Variants in GCNT4 observed in about 807,000 individuals in gnomAD.
GCNT4 encodes beta-1,3-galactosyl-O-glycosyl-glycoprotein beta-1,6-N-acetylglucosaminyltransferase 4.
Under a neutral mutation model 31.3 loss-of-function variants are expected in GCNT4, and 17 were observed. That is an observed-to-expected ratio of 0.54 (90% CI 0.37 to 0.81). The LOEUF (loss-of-function observed/expected upper bound fraction) is 0.81, where lower values mean the gene tolerates loss of function less well. Among genes scored for constraint, GCNT4 ranks in the 40% least tolerant of loss-of-function variants. The probability of loss-of-function intolerance (pLI) is 0.00; values close to 1 mark genes in which losing one functional copy is unlikely to be tolerated. For missense variants in GCNT4, 503 were observed against 525.5 expected, an observed-to-expected ratio of 0.96 and a Z score of 0.42; for synonymous variants, 158 against 190.6, an observed-to-expected ratio of 0.83 and a Z score of 1.41.
At position 75,029,041 on chromosome 5, in the gene GCNT4, A is replaced by ATT; in HGVS notation, c.996_997insAA (p.Ser333AsnfsTer11). 6.2e-7 allele frequency: 1 copy of ATT among 1,614,130 alleles called. No individual in the cohort carries two copies. Among genetic ancestry groups the ATT allele is most frequent in the Non-Finnish European group, 8.5e-7 (1 of 1,180,014 alleles). Reference sequence around the variant, plus strand: ...GTAGCCCAAAAGTGCTCATCAGGAGAGTATGTGTCTTTAGACCAGGCAAAA... The same window carrying ATT: ...GTAGCCCAAAAGTGCTCATCAGGAGATTGTATGTGTCTTTAGACCAGGCAAAA... On this transcript the variant is annotated frameshift_variant, in exon 4 of 4. Coordinates refer to ENST00000652361, the MANE Select transcript of GCNT4 (RefSeq NM_001366737.1). LOFTEE classifies it high-confidence loss of function.
At chr5:75,047,608 A>G (rs1202934849) in intron 3 of GCNT4, 3 of 152,156 alleles carry the variant, frequency 2.0e-5, no homozygotes. Flanking sequence ...AAGCATTCCT[A>G]CCACAAAGTT....
chr5:75,032,846 TAGA>T (rs1432656193), intron 3 of GCNT4, among the ~76,000 whole-genome samples: 3 of 148,208 alleles, frequency 2.0e-5, no homozygotes, highest in Non-Finnish European at 4.5e-5. Context: ...TGTGGTACAG[TAGA>T]AGACTAATCA....
chr5:75,023,269 G>C (rs193176678), downstream of GCNT4, among the ~76,000 whole-genome samples: 1 of 152,314 alleles, frequency 6.6e-6, no homozygotes, highest in African/African-American at 2.4e-5. Context: ...CTTACTTTGA[G>C]AATCTGAAGA....
chr5:75,032,755 A>T (rs1743092629), intron 3 of GCNT4, among the ~76,000 whole-genome samples: 1 of 151,984 alleles, frequency 6.6e-6, no homozygotes, highest in East Asian at 1.9e-4. Flanking sequence ...GCTGTGGAAA[A>T]CTGTCCCCAC....
chr5:75,046,161 A>C (rs1047838940), intron 3 of GCNT4, among the ~76,000 whole-genome samples: 2 of 151,942 alleles, frequency 1.3e-5, no homozygotes, highest in Non-Finnish European at 2.9e-5. Context: ...GTATCATTCC[A>C]TTTCTTTCTC....
At chr5:75,043,719 AAAGT>A in intron 3 of GCNT4, among the ~76,000 whole-genome samples, 1 of 152,284 alleles carries the variant, frequency 6.6e-6, no homozygotes, top group East Asian at 1.9e-4. Context: ...TTACATGAGA[AAAGT>A]AAGCCCTTAT....
chr5:75,022,447 C>T (rs1744498858), downstream of GCNT4, among the ~76,000 whole-genome samples: 1 of 152,132 alleles, frequency 6.6e-6, no homozygotes, highest in Admixed American at 6.5e-5. Context: ...TAAAATCAGC[C>T]TAATGCTTGC....
At chr5:75,036,348 ATTAT>A (rs1743202050) in intron 3 of GCNT4, among the ~76,000 whole-genome samples, 1 of 146,408 alleles carries the variant, frequency 6.8e-6, no homozygotes, top group African/African-American at 2.8e-5. Flanking sequence ...TTATCCCTCT[ATTAT>A]AAGAAAGGAA....
Position 75,027,411 on chromosome 5 carries a change from T to TAAATATATATTACATATATATA in GCNT4, c.*1243_*1264dup, listed in dbSNP as rs1361152820. The TAAATATATATTACATATATATA allele has an allele frequency of 1.4e-5, 2 of 142,900 alleles. No individual in the cohort carries two copies. Among genetic ancestry groups the TAAATATATATTACATATATATA allele is most frequent in the Admixed American group, 7.3e-5 (1 of 13,650 alleles). The allele number at this position is 142,900 out of a possible 1,614,324, so 8.9% of individuals were successfully genotyped here. A position where few individuals can be genotyped will look rare whatever the true frequency, so the allele number is the denominator to read the frequency against. On this transcript the variant is annotated 3_prime_UTR_variant, in exon 4 of 4. Coordinates refer to ENST00000652361, the MANE Select transcript of GCNT4 (RefSeq NM_001366737.1). ...ATTGTTCTATATATAATATATAACA[T>TAAATATATATTACATATATATA]AAATATATATTACATATATATAAAA... is the stretch of plus-strand genomic sequence containing the variant.
chr5:75,040,471 G>C (rs1428380269), intron 3 of GCNT4, among the ~76,000 whole-genome samples: 2 of 152,196 alleles, frequency 1.3e-5, no homozygotes, highest in African/African-American at 4.8e-5. Context: ...ATGGGACAGA[G>C]TCAGAAGACC....
rs1177866741 is a variant in GCNT4 at position 75,029,840 on chromosome 5, T to A, written c.198A>T (p.Glu66Asp). ...VRNRYTHVKDEVRYEVNCSGI... is the reference protein window; with the variant it reads ...VRNRYTHVKDDVRYEVNCSGI... ...CCGAACAGTTAACTTCATACCTGACTTCATCCTTAACATGAGTGTATCTGT... is the reference window on the plus strand; with the variant it reads ...CCGAACAGTTAACTTCATACCTGACATCATCCTTAACATGAGTGTATCTGT... Residue 66 changes from glutamate (E) to aspartate (D), a missense_variant, in exon 4 of 4, where the codon GAA (glutamate) becomes GAT (aspartate). Physicochemically the swap from Glu to Asp is conservative, Grantham distance 45 (BLOSUM62 2). Coordinates refer to ENST00000652361, the MANE Select transcript of GCNT4 (RefSeq NM_001366737.1). The A allele has an allele frequency of 1.2e-6, 2 of 1,614,028 alleles. No individual in the cohort carries two copies. The highest frequency in any genetic ancestry group is 2.7e-5 in the African/African-American group (2 of 74,934).
chr5:75,034,385 G>A (rs777436528), intron 3 of GCNT4, among the ~76,000 whole-genome samples: 1 of 152,248 alleles, frequency 6.6e-6, no homozygotes, highest in Non-Finnish European at 1.5e-5. Context: ...CTGGAGGAAT[G>A]GGAACCAGCT....
At chr5:75,031,963 C>T (rs1281645269) in intron 3 of GCNT4, among the ~76,000 whole-genome samples, 3 of 152,152 alleles carry the variant, frequency 2.0e-5, no homozygotes, top group Admixed American at 6.5e-5. Flanking sequence ...TCATTGTATC[C>T]AATTTCATTC....
intron 3 of GCNT4, chr5:75,030,941 C>T (rs1200645970): frequency 1.8e-5 from 3 of 166,834 alleles, no homozygotes; most frequent in East Asian, 1.9e-4. Context: ...AGGCCTGAGA[C>T]CACTCTGCAT....
chr5:75,042,141 T>C (rs1055704619), intron 3 of GCNT4, among the ~76,000 whole-genome samples: 4 of 152,210 alleles, frequency 2.6e-5, no homozygotes, highest in African/African-American at 9.6e-5. Context: ...AGAGGTTTCA[T>C]TCCTTCTTGG....
chr5:75,053,110 C>CGCCCGCT (rs1267868388), upstream of GCNT4, among the ~76,000 whole-genome samples: 1 of 151,912 alleles, frequency 6.6e-6, no homozygotes, highest in Non-Finnish European at 1.5e-5. Flanking sequence ...CCGCGCCCGC[C>CGCCCGCT]GCCCGCTGCC....
chr5:75,035,083 T>A (rs574826990), intron 3 of GCNT4, among the ~76,000 whole-genome samples: 6 of 135,504 alleles, frequency 4.4e-5, no homozygotes, highest in African/African-American at 1.8e-4. Context: ...ACACCCCAGC[T>A]AAGCGGACAC....
chr5:75,021,265 G>T (rs904888656), downstream of GCNT4, among the ~76,000 whole-genome samples: 1 of 152,124 alleles, frequency 6.6e-6, no homozygotes, highest in Non-Finnish European at 1.5e-5. Context: ...GCTGTGCTGG[G>T]CTAGCAAGCC....
At chr5:75,047,486 A>T (rs1743467278) in intron 3 of GCNT4, among the ~76,000 whole-genome samples, 1 of 152,144 alleles carries the variant, frequency 6.6e-6, no homozygotes, top group African/African-American at 2.4e-5. Context: ...TTAAGGCTGG[A>T]ATTTCACTGT....
Sources: gnomAD v4.1 joint callset for allele counts (sites outside exome capture counted in the v4.1 genomes callset) on GRCh38, gnomAD v4.1.1 for gene constraint, MANE v1.5 for transcripts, NCBI Gene and HGNC (gene_info 2026-07-23, HGNC 2026-07-21) for gene names.